The following MDM2 variants were observed in gnomAD, a reference collection of about 807,000 sequenced individuals.
The protein encoded by MDM2 is E3 ubiquitin-protein ligase Mdm2.
In MDM2, 11 loss-of-function variants were observed where a neutral mutation model predicts 64.3. The ratio of observed to expected loss-of-function variants is 0.17; its 90% CI spans 0.11 to 0.28. The LOEUF is 0.28. MDM2 is among the 10% of genes least tolerant of loss of function. The pLI is 1.00. For missense variants in MDM2, 388 were observed against 577.1 expected, an observed-to-expected ratio of 0.67 and a Z score of 3.36; for synonymous variants, 194 against 192.9, an observed-to-expected ratio of 1.01 and a Z score of -0.05.
In MDM2 at chr12:68,843,992, T is replaced by G; in HGVS notation, c.*4143T>G. The G allele has an allele frequency of 4.8e-6, 1 of 208,384 alleles. No homozygotes were observed. The highest frequency in any genetic ancestry group is 7.3e-5 in the East Asian group (1 of 13,630). 12.9% of individuals were successfully genotyped at this position (208,384 alleles called of 1,614,324 possible). On this transcript the variant is annotated 3_prime_UTR_variant, in exon 11 of 11. Transcript: ENST00000258149. ...AAGCTAGAACCAAGCAGAATCTGTT[T>G]TTTTCTGAGGAGTATCGGTAGCATA...
At chr12:68,809,069 T>A (rs1880622496) in intron 1 of MDM2, 139 bp from the exon 2 acceptor site, 1 of 1,501,658 alleles carries the variant, frequency 6.7e-7, no homozygotes, top group Non-Finnish European at 8.8e-7. Flanking sequence ...GCACGCCACT[T>A]TTTCTCTGCT....
chr12:68,842,026 C>T lies in MDM2; in HGVS notation c.*2177C>T. On this transcript the variant is annotated 3_prime_UTR_variant, in exon 11 of 11. Transcript: ENST00000258149. ...TCAGATTGTATAAACATAAATGTCACAAAAACTTTAAAAGAAGTGCAATTC... is the reference window on the plus strand; with the variant it reads ...TCAGATTGTATAAACATAAATGTCATAAAAACTTTAAAAGAAGTGCAATTC... 1 of 405,886 alleles carries T rather than the reference C, an allele frequency of 2.5e-6. No individual in the cohort carries two copies. Among genetic ancestry groups the T allele is most frequent in the South Asian group, 2.3e-5 (1 of 43,958 alleles). 25.1% of individuals were successfully genotyped at this position (405,886 alleles called of 1,614,324 possible). A position where few individuals can be genotyped will look rare whatever the true frequency, so the allele number is the denominator to read the frequency against.
At chr12:68,820,441 G>T in intron 5 of MDM2, 67 bp downstream of exon 5, 1 of 1,171,068 alleles carries the variant, frequency 8.5e-7, no homozygotes, top group South Asian at 1.3e-5. Flanking sequence ...TTGTTTATGT[G>T]CATATGTTTT....
chr12:68,811,418 A>T (rs572890302), intron 2 of MDM2, among the ~76,000 whole-genome samples: 12 of 152,226 alleles, frequency 7.9e-5, no homozygotes, highest in African/African-American at 2.2e-4. Context: ...CTGTCCCAAG[A>T]TCTTGCAAAT....
Position 68,824,660 on chromosome 12 carries a change from GAA to G in MDM2, c.523+10_523+11del. The G allele has an allele frequency of 6.6e-7, 1 of 1,525,142 alleles. No homozygotes were observed. The highest frequency in any genetic ancestry group is 9.0e-7 in the Non-Finnish European group (1 of 1,108,812). 94.5% of individuals were successfully genotyped at this position (1,525,142 alleles called of 1,614,324 possible). ...AGCAATTAGTGAGACAGGTATATAT[GAA>G]TATTTATTTGACGCATTCACACAGC... is the stretch of plus-strand genomic sequence containing the variant. On this transcript the variant is annotated intron_variant, in intron 7 of 10. Coordinates refer to ENST00000258149, the MANE Select transcript of MDM2 (RefSeq NM_002392.6).
At chr12:68,848,629 C>G (rs1732962336), downstream of MDM2, 1 of 152,136 alleles carries the variant, frequency 6.6e-6, no homozygotes, top group Non-Finnish European at 1.5e-5. Flanking sequence ...TTGCTCCCTA[C>G]AAAAAAGGCC....
chr12:68,824,299 C>A, intron 5 of MDM2, 64 bp from the exon 6 acceptor site: 2 of 1,119,606 alleles, frequency 1.8e-6, no homozygotes, highest in Non-Finnish European at 2.7e-6. Context: ...AGCATATCTA[C>A]TGAGTAGCGC....
Position 68,838,806 on chromosome 12 carries a change from A to G in MDM2, c.919-468A>G, listed in dbSNP as rs148113371. Among the ~76,000 whole-genome samples, 15 of 152,318 alleles carry G rather than the reference A, an allele frequency of 9.8e-5. No individual in the cohort carries two copies. The East Asian group carries it at 2.9e-3, about 29-fold the overall frequency. On this transcript the variant is annotated intron_variant, in intron 10 of 10. Coordinates refer to ENST00000258149, the MANE Select transcript of MDM2 (RefSeq NM_002392.6). ...ACTTTATAGGTACATGATTAATATC[A>G]CATCACAGTTAATATATTTTTAGTT...
chr12:68,841,992 G>T lies in MDM2; in HGVS notation c.*2143G>T. 1 of 392,608 alleles carries T rather than the reference G, an allele frequency of 2.5e-6. No individual in the cohort carries two copies. The highest frequency in any genetic ancestry group is 4.9e-6 in the Non-Finnish European group (1 of 204,414). The allele number at this position is 392,608 out of a possible 1,614,324, so 24.3% of individuals were successfully genotyped here. A position where few individuals can be genotyped will look rare whatever the true frequency, so the allele number is the denominator to read the frequency against. On this transcript the variant is annotated 3_prime_UTR_variant, in exon 11 of 11. Coordinates refer to ENST00000258149, the MANE Select transcript of MDM2 (RefSeq NM_002392.6). ...ATCATGATGTTCATCTGCAGCTGTT[G>T]CAAGGTGTTCAGATTGTATAAACAT...
rs60051373 is a variant in MDM2 at position 68,840,835 on chromosome 12, CTTTTTTTTTTTTTT to C, written c.*1000_*1013del. 24 of 73,918 alleles carry C rather than the reference CTTTTTTTTTTTTTT, an allele frequency of 3.2e-4. No individual in the cohort carries two copies. Among genetic ancestry groups the C allele is most frequent in the African/African-American group, 4.3e-4 (6 of 14,058 alleles). 4.6% of individuals were successfully genotyped at this position (73,918 alleles called of 1,614,324 possible). A position where few individuals can be genotyped will look rare whatever the true frequency, so the allele number is the denominator to read the frequency against. On this transcript the variant is annotated 3_prime_UTR_variant, in exon 11 of 11. Coordinates refer to ENST00000258149, the MANE Select transcript of MDM2 (RefSeq NM_002392.6). ...AATTAGTATTTAAATTTTAGATACT[CTTTTTTTTTTTTTT>C]TTTTTTTTTTTTTGAGACAGAGTCT...
chr12:68,847,723 G>T (rs1192811173), downstream of MDM2: 2 of 152,090 alleles, frequency 1.3e-5, no homozygotes, highest in African/African-American at 4.8e-5. Context: ...AAAGTGCTGG[G>T]ATTACAGGCG....
chr12:68,820,318 C>G lies in MDM2; in HGVS notation c.309-7C>G, dbSNP rs1242432360. 3 of 1,558,882 alleles carry G rather than the reference C, an allele frequency of 1.9e-6. No individual in the cohort carries two copies. The highest frequency in any genetic ancestry group is 2.6e-6 in the Non-Finnish European group (3 of 1,151,614). ...CTCTTGTTATTTTTTTTTTTTCTGT[C>G]TACAAGGAAAATATATACCATGATC... On this transcript the variant is annotated splice_region_variant and splice_polypyrimidine_tract_variant and intron_variant, in intron 4 of 10. Coordinates refer to ENST00000258149, the MANE Select transcript of MDM2 (RefSeq NM_002392.6).
chr12:68,835,698 CAG>C, intron 8 of MDM2, 129 bp from the exon 9 acceptor site: 1 of 800,216 alleles, frequency 1.2e-6, no homozygotes, highest in Non-Finnish European at 1.8e-6. Flanking sequence ...AGTCCCGGAT[CAG>C]AGCAGCAGGC....
Position 68,842,490 on chromosome 12 carries a change from C to G in MDM2, c.*2641C>G. 5.2e-6 allele frequency: 2 copies of G among 386,534 alleles called. No individual in the cohort carries two copies. The highest frequency in any genetic ancestry group is 4.4e-5 in the South Asian group (2 of 45,940). The allele number at this position is 386,534 out of a possible 1,614,324, so 23.9% of individuals were successfully genotyped here. On this transcript the variant is annotated 3_prime_UTR_variant, in exon 11 of 11. Coordinates refer to ENST00000258149, the MANE Select transcript of MDM2 (RefSeq NM_002392.6). Reference sequence around the variant, plus strand: ...ACTTATTTTTTATATAAGGTCACTCCGATGAAAGGTGATTACAAAATCATC... The same window carrying G: ...ACTTATTTTTTATATAAGGTCACTCGGATGAAAGGTGATTACAAAATCATC...
chr12:68,832,361 T>G (rs1882862735), intron 8 of MDM2, among the ~76,000 whole-genome samples: 1 of 152,136 alleles, frequency 6.6e-6, no homozygotes, highest in Admixed American at 6.5e-5. Context: ...CAGCCTCAGA[T>G]TCCATTTTTA....
At chr12:68,836,564 T>TTCTCATA in intron 9 of MDM2, 108 bp from the exon 10 acceptor site, 1 of 809,668 alleles carries the variant, frequency 1.2e-6, no homozygotes. Context: ...GTCTAAGGCT[T>TTCTCATA]TCTCATATAT....
At chr12:68,820,477 G>C in intron 5 of MDM2, 103 bp downstream of exon 5, 1 of 903,016 alleles carries the variant, frequency 1.1e-6, no homozygotes, top group Non-Finnish European at 1.7e-6. Flanking sequence ...TTTAAAAGTT[G>C]CTTTAATTAA....
At chr12:68,820,508 T>C in intron 5 of MDM2, 134 bp downstream of exon 5, 2 of 697,506 alleles carry the variant, frequency 2.9e-6, no homozygotes, top group Non-Finnish European at 4.9e-6. Context: ...AAAAGTATGA[T>C]AAATTTATTA....
At chr12:68,830,220 T>C (rs1334295036) in intron 8 of MDM2, among the ~76,000 whole-genome samples, 2 of 152,218 alleles carry the variant, frequency 1.3e-5, no homozygotes, top group Non-Finnish European at 2.9e-5. Context: ...TGGGTATTAG[T>C]AATCATTGTA....
Sources: allele counts gnomAD v4.1 joint callset (sites outside exome capture counted in the v4.1 genomes callset), GRCh38; gene constraint gnomAD v4.1.1; transcripts MANE v1.5; gene names NCBI Gene and HGNC (gene_info 2026-07-23, HGNC 2026-07-21).